The following ADAMTS19 variants were observed in gnomAD, a reference collection of about 807,000 sequenced individuals.
ADAMTS19 encodes ADAM metallopeptidase with thrombospondin type 1 motif 19.
A neutral mutation model predicts 153.3 loss-of-function variants in ADAMTS19; 93 were observed. That is an observed-to-expected ratio of 0.61 (90% confidence interval 0.51 to 0.72). ADAMTS19 has a LOEUF of 0.72. ADAMTS19 is among the 30% of genes least tolerant of loss of function. The pLI, the probability that ADAMTS19 is intolerant of heterozygous loss-of-function variation, is 0.00. For synonymous variants in ADAMTS19, 600 were observed against 556.6 expected, an observed-to-expected ratio of 1.08 and a Z score of -1.10; for missense variants, 1,482 against 1,552.1, an observed-to-expected ratio of 0.95 and a Z score of 0.76.
At chr5:129,713,416 A>G (rs1383927728) in intron 21 of ADAMTS19, among the ~76,000 whole-genome samples, 1 of 152,234 alleles carries the variant, frequency 6.6e-6, no homozygotes, top group African/African-American at 2.4e-5. Context: ...AGAAAAGTAT[A>G]CAAATGATCA....
intron 6 of ADAMTS19, among the ~76,000 whole-genome samples, chr5:129,547,532 C>G (rs1367558136): frequency 6.7e-6 from 1 of 149,042 alleles, no homozygotes; most frequent in Non-Finnish European, 1.5e-5. Flanking sequence ...TCAAAGTAGC[C>G]AAAAAAAGTG....
At chr5:129,724,149 A>G (rs894963657) in intron 21 of ADAMTS19, among the ~76,000 whole-genome samples, 2 of 152,232 alleles carry the variant, frequency 1.3e-5, no homozygotes, top group African/African-American at 4.8e-5. Flanking sequence ...TGGATCAAGA[A>G]AAAGACCTGG....
At position 129,737,437 on chromosome 5, in the gene ADAMTS19, A is replaced by G. The variant is rs1223644172; in HGVS notation, c.*219A>G. The G allele has an allele frequency of 9.3e-6, 3 of 322,942 alleles. No homozygotes were observed. Among genetic ancestry groups the G allele is most frequent in the Non-Finnish European group, 1.6e-5 (3 of 185,448 alleles). 20.0% of individuals were successfully genotyped at this position (322,942 alleles called of 1,614,324 possible). ...TTCATAAATAATTTTATATGAATGA[A>G]TTAGTTGGATCCAGTAATATAATAA... On this transcript the variant is annotated 3_prime_UTR_variant, in exon 23 of 23. Transcript: ENST00000274487.
chr5:129,622,427 T>C, intron 10 of ADAMTS19, 79 bp downstream of exon 10: 2 of 1,523,674 alleles, frequency 1.3e-6, no homozygotes, highest in East Asian at 2.3e-5. Context: ...AACATTATTT[T>C]AGGGTTTGTG....
chr5:129,656,099 G>A (rs1220187429), intron 14 of ADAMTS19, among the ~76,000 whole-genome samples: 1 of 152,036 alleles, frequency 6.6e-6, no homozygotes, highest in East Asian at 1.9e-4. Context: ...AAATTGCTAT[G>A]CTTTTTACTT....
chr5:129,661,630 C>T, intron 15 of ADAMTS19, among the ~76,000 whole-genome samples: 1 of 152,108 alleles, frequency 6.6e-6, no homozygotes, highest in East Asian at 1.9e-4. Flanking sequence ...AAAATAAATT[C>T]AAGAAGCGTT....
In ADAMTS19 at chr5:129,460,382, G is replaced by A. The variant is rs549516037; in HGVS notation, c.-10G>A. The stretch of plus-strand genomic sequence containing the variant: ...CGCCGGGCGAGAAGCCGCGGCCGCG[G>A]GAGCGCAGTATGGGGAAGAACCGCG... On this transcript the variant is annotated 5_prime_UTR_variant, in exon 1 of 23. Transcript: ENST00000274487. 1 of 1,612,414 alleles carries A rather than the reference G, an allele frequency of 6.2e-7. No homozygotes were observed. The highest frequency in any genetic ancestry group is 2.2e-5 in the East Asian group (1 of 44,824).
At chr5:129,658,795 T>C (rs1241761696) in intron 15 of ADAMTS19, 58 bp downstream of exon 15, 6 of 1,493,982 alleles carry the variant, frequency 4.0e-6, no homozygotes, top group Non-Finnish European at 5.4e-6. Context: ...GGAACACAGA[T>C]TATATTGAAT....
intron 8 of ADAMTS19, among the ~76,000 whole-genome samples, chr5:129,607,146 A>G (rs2126943275): frequency 6.6e-6 from 1 of 152,228 alleles, no homozygotes; most frequent in East Asian, 1.9e-4. Flanking sequence ...TGAACTCCTG[A>G]CCTCAGGTGA....
Position 129,684,156 on chromosome 5 carries a change from T to C in ADAMTS19, c.2701T>C (p.Tyr901His). ...TCAGGATCAGAATTATGGTCTTCAC[T>C]ATGAATACACTATCCCATCAGACCC... Reference protein sequence around the residue: ...LFQDQNYGLHYEYTIPSDPLP... With the variant: ...LFQDQNYGLHHEYTIPSDPLP... The change falls in exon 18 of 23, where the codon TAT (tyrosine) becomes CAT (histidine). Residue 901 changes from tyrosine to histidine, a missense_variant. Transcript: ENST00000274487. 1 of 1,614,124 alleles carries C rather than the reference T, an allele frequency of 6.2e-7. No homozygotes were observed. The highest frequency in any genetic ancestry group is 1.1e-5 in the South Asian group (1 of 91,080).
intron 2 of ADAMTS19, among the ~76,000 whole-genome samples, chr5:129,477,540 CT>C (rs1750265529): frequency 6.6e-6 from 1 of 152,140 alleles, no homozygotes; most frequent in Admixed American, 6.5e-5. Flanking sequence ...ATGGAAACCC[CT>C]ATTTTCATTT....
At chr5:129,471,952 A>G (rs1290353312) in intron 2 of ADAMTS19, among the ~76,000 whole-genome samples, 1 of 152,222 alleles carries the variant, frequency 6.6e-6, no homozygotes, top group Non-Finnish European at 1.5e-5. Flanking sequence ...TCAGTCTACC[A>G]TTGATGGAAA....
At chr5:129,483,633 A>T (rs1303294057) in intron 2 of ADAMTS19, among the ~76,000 whole-genome samples, 2 of 152,182 alleles carry the variant, frequency 1.3e-5, no homozygotes, top group Non-Finnish European at 2.9e-5. Context: ...CTAGTGTCAG[A>T]TATACTACTA....
intron 11 of ADAMTS19, among the ~76,000 whole-genome samples, chr5:129,645,100 G>A (rs974358125): frequency 6.6e-6 from 1 of 152,106 alleles, no homozygotes; most frequent in Non-Finnish European, 1.5e-5. Context: ...AAAAATTTAG[G>A]AGTATAGAAC....
At chr5:129,523,713 T>G (rs1751905114) in intron 3 of ADAMTS19, among the ~76,000 whole-genome samples, 1 of 152,058 alleles carries the variant, frequency 6.6e-6, no homozygotes, top group African/African-American at 2.4e-5. Flanking sequence ...TAACTACCAC[T>G]GGGATCAGAC....
At chr5:129,687,436 G>A (rs111416440) in intron 18 of ADAMTS19, among the ~76,000 whole-genome samples, 3 of 152,232 alleles carry the variant, frequency 2.0e-5, no homozygotes, top group African/African-American at 7.2e-5. Flanking sequence ...TACAGAACTT[G>A]TCAGTCTTCA....
At chr5:129,579,789 G>T (rs1749417509) in intron 7 of ADAMTS19, among the ~76,000 whole-genome samples, 1 of 152,054 alleles carries the variant, frequency 6.6e-6, no homozygotes, top group Admixed American at 6.6e-5. Flanking sequence ...TGTCCCGTTG[G>T]TCTATATATC....
At chr5:129,629,564 A>G (rs1022134080) in intron 10 of ADAMTS19, among the ~76,000 whole-genome samples, 1 of 152,112 alleles carries the variant, frequency 6.6e-6, no homozygotes, top group African/African-American at 2.4e-5. Context: ...GCATTATTGC[A>G]TAATGCTGAT....
Position 129,631,514 on chromosome 5 carries a change from C to CTTTA in ADAMTS19, c.1770+9169_1770+9172dup, listed in dbSNP as rs1752290724. Among the ~76,000 whole-genome samples, 3 of 151,934 alleles carry CTTTA rather than the reference C, an allele frequency of 2.0e-5. No homozygotes were observed. In the South Asian group the frequency reaches 6.2e-4, roughly 32 times the overall value. ...AGATTTTGATTCATACCTCGTAAGG[C>CTTTA]TTTATTGCAAGACACTAATACAGTT... On this transcript the variant is annotated intron_variant, in intron 10 of 22. Coordinates refer to ENST00000274487, the MANE Select transcript of ADAMTS19 (RefSeq NM_133638.6).
Sources: allele counts gnomAD v4.1 joint callset (sites outside exome capture counted in the v4.1 genomes callset), GRCh38; gene constraint gnomAD v4.1.1; transcripts MANE v1.5; gene names NCBI Gene and HGNC (gene_info 2026-07-23, HGNC 2026-07-21).